Variants in UMAD1 observed in about 807,000 individuals in gnomAD.
UMAD1 encodes the protein UBAP1-MVB12-associated (UMA) domain containing 1, also known as UBAP1-MVB12-associated (UMA)-domain containing protein 1.
In UMAD1, 8 loss-of-function variants were observed where a neutral mutation model predicts 6.1. The ratio of observed to expected loss-of-function variants is 1.30; its 90% CI spans 0.76 to 2.35. The LOEUF (loss-of-function observed/expected upper bound fraction) is 2.35, where lower values mean the gene tolerates loss of function less well. UMAD1 is among the 30% of genes most tolerant of loss of function. UMAD1 has a pLI of 0.00. For missense variants in UMAD1, 130 were observed against 78.4 expected, an observed-to-expected ratio of 1.66 and a Z score of -2.49; for synonymous variants, 56 against 31.4, an observed-to-expected ratio of 1.78 and a Z score of -2.61.
At chr7:7,853,716 A>G (rs1160259531) in intron 3 of UMAD1, among the ~76,000 whole-genome samples, 1 of 152,056 alleles carries the variant, frequency 6.6e-6, no homozygotes, top group African/African-American at 2.4e-5. Context: ...ATTCCTTAGG[A>G]TTTTCTACAT....
chr7:7,647,955 G>C (rs1409612671), intron 1 of UMAD1, among the ~76,000 whole-genome samples: 1 of 152,196 alleles, frequency 6.6e-6, no homozygotes, highest in Non-Finnish European at 1.5e-5. Context: ...AGACGTGCCA[G>C]CTGTGTTTTG....
chr7:7,855,438 C>T (rs189529760), intron 3 of UMAD1, among the ~76,000 whole-genome samples: 1 of 152,230 alleles, frequency 6.6e-6, no homozygotes, highest in Non-Finnish European at 1.5e-5. Context: ...CTGCATGCCC[C>T]AAGACCAACA....
At chr7:7,814,734 T>G (rs1338680999) in intron 3 of UMAD1, among the ~76,000 whole-genome samples, 2 of 152,160 alleles carry the variant, frequency 1.3e-5, no homozygotes, top group African/African-American at 2.4e-5. Flanking sequence ...TCTGATAAAA[T>G]CATACATAGG....
intron 3 of UMAD1, among the ~76,000 whole-genome samples, chr7:7,868,946 T>C (rs1784286570): frequency 6.6e-6 from 1 of 152,184 alleles, no homozygotes; most frequent in Admixed American, 6.5e-5. Flanking sequence ...ACTTTGTATA[T>C]ATAGGTGCTG....
At position 7,644,354 on chromosome 7, in the gene UMAD1, C is replaced by CTTT. The variant is rs35141799; in HGVS notation, c.-64+3544_-64+3546dup. 4.4e-3 allele frequency among the ~76,000 whole-genome samples: 627 copies of CTTT among 141,902 alleles called. 1 individual carries two copies. Among genetic ancestry groups the CTTT allele is most frequent in the Non-Finnish European group, 6.4e-3 (418 of 65,000 alleles). 93.1% of individuals were successfully genotyped at this position (141,902 alleles called of 152,430 possible). On this transcript the variant is annotated intron_variant, in intron 1 of 3. Transcript: ENST00000682710. The stretch of plus-strand genomic sequence containing the variant: ...TTCCGTTTCCTTCCTTCATTCCATC[C>CTTT]TTTTTTTTTTTTTATTAGGAAGACC...
intron 1 of UMAD1, among the ~76,000 whole-genome samples, chr7:7,652,199 T>C (rs745774484): frequency 2.6e-5 from 4 of 152,250 alleles, no homozygotes; most frequent in Non-Finnish European, 5.9e-5. Flanking sequence ...GCTCCTGTTT[T>C]ACATTGCTCG....
chr7:7,753,169 A>G (rs1231810177), intron 2 of UMAD1, among the ~76,000 whole-genome samples: 2 of 152,112 alleles, frequency 1.3e-5, no homozygotes, highest in Non-Finnish European at 2.9e-5. Context: ...AGGTGTATAT[A>G]TTTATGGAGT....
intron 2 of UMAD1, among the ~76,000 whole-genome samples, chr7:7,708,901 A>G (rs567022021): frequency 6.6e-6 from 1 of 151,800 alleles, no homozygotes; most frequent in East Asian, 1.9e-4. Context: ...TTAACCAGCA[A>G]GGGGTGTGTG....
chr7:7,828,182 T>A (rs1783383800), intron 3 of UMAD1, among the ~76,000 whole-genome samples: 1 of 152,030 alleles, frequency 6.6e-6, no homozygotes, highest in Non-Finnish European at 1.5e-5. Flanking sequence ...CTGGCCAGGG[T>A]TTTTGGATGT....
chr7:7,874,730 A>T (rs767306813), intron 3 of UMAD1, among the ~76,000 whole-genome samples: 45 of 152,178 alleles, frequency 3.0e-4, no homozygotes, highest in Non-Finnish European at 1.0e-4. Context: ...ATACATAAAT[A>T]AATTAATTAA....
At chr7:7,677,646 C>G (rs1270120073) in intron 2 of UMAD1, among the ~76,000 whole-genome samples, 1 of 145,026 alleles carries the variant, frequency 6.9e-6, no homozygotes, top group Non-Finnish European at 1.5e-5. Flanking sequence ...TTTTCTTTAT[C>G]TATTCATCTG....
At chr7:7,647,894 T>C (rs924984581) in intron 1 of UMAD1, among the ~76,000 whole-genome samples, 1 of 152,370 alleles carries the variant, frequency 6.6e-6, no homozygotes, top group Middle Eastern at 3.4e-3. Flanking sequence ...TGTGAGTCAC[T>C]GTGCCTGGCT....
chr7:7,764,194 C>T (rs1162375113), intron 2 of UMAD1, among the ~76,000 whole-genome samples: 3 of 152,022 alleles, frequency 2.0e-5, no homozygotes, highest in African/African-American at 7.2e-5. Context: ...TCTGGGGGGT[C>T]ATCTTGCAAG....
chr7:7,712,870 T>G (rs1029827020), intron 2 of UMAD1, among the ~76,000 whole-genome samples: 9 of 151,876 alleles, frequency 5.9e-5, no homozygotes, highest in African/African-American at 1.9e-4. Flanking sequence ...AGGCATAGAG[T>G]GTTGTTAGAA....
At chr7:7,843,075 A>C (rs1783713511) in intron 3 of UMAD1, among the ~76,000 whole-genome samples, 1 of 152,212 alleles carries the variant, frequency 6.6e-6, no homozygotes, top group Admixed American at 6.5e-5. Context: ...TTTTCTGGAC[A>C]TACAAATTTA....
At position 7,810,836 on chromosome 7, in the gene UMAD1, G is replaced by A. The variant is rs1783006255; in HGVS notation, c.156+9093G>A. Among the ~76,000 whole-genome samples, 3 of 152,148 alleles carry A rather than the reference G, an allele frequency of 2.0e-5. No individual in the cohort carries two copies. The South Asian group carries it at 6.2e-4, about 32-fold the overall frequency. ...GAATGATCATGAAGGAGATATGTTG[G>A]CACTTTGCTCCCTTGACTCATTTAG... On this transcript the variant is annotated intron_variant, in intron 3 of 3. Coordinates refer to ENST00000682710, the MANE Select transcript of UMAD1 (RefSeq NM_001302348.2).
chr7:7,704,768 A>AAAG (rs1369511679), intron 2 of UMAD1, among the ~76,000 whole-genome samples: 15 of 141,770 alleles, frequency 1.1e-4, no homozygotes, highest in African/African-American at 4.0e-4. Flanking sequence ...CTCCATCTCA[A>AAAG]AAAAAAAAAA....
In UMAD1 at chr7:7,772,775, C is replaced by G. The variant is rs553405851; in HGVS notation, c.83-28895C>G. Reference sequence around the variant, plus strand: ...AAAACATTTGCTTTTTAATCGAGAACTTTAGATGGTAGGGTACAGTTTGTT... The same window carrying G: ...AAAACATTTGCTTTTTAATCGAGAAGTTTAGATGGTAGGGTACAGTTTGTT... On this transcript the variant is annotated intron_variant, in intron 2 of 3. Transcript: ENST00000682710. Among the ~76,000 whole-genome samples the G allele has an allele frequency of 2.0e-5, 3 of 152,280 alleles. No homozygotes were observed. The South Asian group carries it at 6.2e-4, about 32-fold the overall frequency.
intron 2 of UMAD1, among the ~76,000 whole-genome samples, chr7:7,790,161 C>T (rs1477478301): frequency 1.3e-5 from 2 of 152,130 alleles, no homozygotes; most frequent in African/African-American, 4.8e-5. Flanking sequence ...ATTAGAATAT[C>T]TGGGATATTT....
Sources: gnomAD v4.1 joint callset for allele counts (sites outside exome capture counted in the v4.1 genomes callset) on GRCh38, gnomAD v4.1.1 for gene constraint, MANE v1.5 for transcripts, NCBI Gene and HGNC (gene_info 2026-07-23, HGNC 2026-07-21) for gene names.